The following SPATS1 variants were observed in gnomAD, a reference collection of about 807,000 sequenced individuals.
SPATS1 encodes spermatogenesis-associated serine-rich protein 1.
SPATS1 carries 23 observed loss-of-function variants against 33.6 expected under a neutral mutation model. The ratio of observed to expected loss-of-function variants is 0.68; its 90% CI spans 0.49 to 0.97. The LOEUF (loss-of-function observed/expected upper bound fraction) is 0.97, where lower values mean the gene tolerates loss of function less well. SPATS1 is among the 50% of genes least tolerant of loss of function. The pLI is 0.00. For synonymous variants in SPATS1, 131 were observed against 125.6 expected (o/e 1.04, Z -0.29); for missense variants, 327 against 361.0 (o/e 0.91, Z 0.76).
chr6:44,351,122 CAAAAAAAAA>C (rs34139961), intron 2 of SPATS1, among the ~76,000 whole-genome samples: 14 of 75,498 alleles, frequency 1.9e-4, no homozygotes, highest in East Asian at 3.5e-4. Flanking sequence ...GACTCTGTGT[CAAAAAAAAA>C]AAAAAAAAAA....
At chr6:44,362,963 G>A (rs1178104356) in intron 5 of SPATS1, among the ~76,000 whole-genome samples, 3 of 151,692 alleles carry the variant, frequency 2.0e-5, no homozygotes, top group East Asian at 1.9e-4. Context: ...CTCAGCCTCC[G>A]GAGTAGATGG....
intron 7 of SPATS1, among the ~76,000 whole-genome samples, chr6:44,373,118 T>C (rs1460022202): frequency 6.6e-6 from 1 of 152,228 alleles, no homozygotes; most frequent in Non-Finnish European, 1.5e-5. Flanking sequence ...TTTCTTACTT[T>C]CATTTTTTTG....
At chr6:44,345,518 C>G (rs1213749363) in intron 2 of SPATS1, among the ~76,000 whole-genome samples, 2 of 152,154 alleles carry the variant, frequency 1.3e-5, no homozygotes, top group Admixed American at 6.5e-5. Flanking sequence ...CTCTCTGATA[C>G]CATCCATAGA....
chr6:44,370,508 GC>G (rs1364385678), intron 7 of SPATS1, among the ~76,000 whole-genome samples: 1 of 152,170 alleles, frequency 6.6e-6, no homozygotes, highest in Non-Finnish European at 1.5e-5. Context: ...AGCTAACAGA[GC>G]ACTTCTGTGT....
At chr6:44,363,332 A>ATTGCC (rs1789040639) in intron 5 of SPATS1, among the ~76,000 whole-genome samples, 1 of 151,970 alleles carries the variant, frequency 6.6e-6, no homozygotes, top group Non-Finnish European at 1.5e-5. Flanking sequence ...TTTAGTAGAG[A>ATTGCC]CAGGGTTTCT....
chr6:44,353,011 T>TA, intron 3 of SPATS1, 138 bp downstream of exon 3: 2 of 858,440 alleles, frequency 2.3e-6, no homozygotes, highest in Non-Finnish European at 3.6e-6. Context: ...ATCCCGGTTC[T>TA]GCCACTTAGT....
chr6:44,370,008 T>C (rs995610252), intron 6 of SPATS1, 43 bp from the exon 7 acceptor site: 1 of 1,458,662 alleles, frequency 6.9e-7, no homozygotes, highest in Middle Eastern at 1.8e-4. Flanking sequence ...CTCTTTGCTG[T>C]AGATGGCATA....
chr6:44,369,937 C>G, intron 6 of SPATS1, 114 bp from the exon 7 acceptor site: 1 of 577,772 alleles, frequency 1.7e-6, no homozygotes, highest in Non-Finnish European at 2.9e-6. Context: ...GTTTTGAAGT[C>G]AATACTTGAA....
Position 44,360,536 on chromosome 6 carries a change from T to G in SPATS1, c.378T>G (p.Tyr126Ter). 6.2e-7 allele frequency: 1 copy of G among 1,614,140 alleles called. No homozygotes were observed. The highest frequency in any genetic ancestry group is 8.5e-7 in the Non-Finnish European group (1 of 1,180,010). Reference protein sequence around the residue: ...MSLPEVQKDKYPEEFSLLKLQ... With the variant: ...MSLPEVQKDK ...TGCCTGAAGTCCAAAAGGATAAATA[T>G]CCTGAGGAATTCAGCCTGCTTAAGT... Residue 126 changes from tyrosine (Y) to a stop codon, truncating the protein, a stop_gained, in exon 4 of 9, where the codon TAT becomes TAG. Coordinates refer to ENST00000674044, the MANE Select transcript of SPATS1 (RefSeq NM_001372081.1). LOFTEE classifies it high-confidence loss of function.
At chr6:44,348,850 T>G (rs902238127) in intron 2 of SPATS1, among the ~76,000 whole-genome samples, 1 of 152,126 alleles carries the variant, frequency 6.6e-6, no homozygotes, top group Non-Finnish European at 1.5e-5. Context: ...AATACAAAAA[T>G]TGGTCCTGGC....
chr6:44,375,489 C>A (rs543407652), intron 7 of SPATS1, among the ~76,000 whole-genome samples: 29 of 152,238 alleles, frequency 1.9e-4, no homozygotes, highest in South Asian at 1.9e-3. Context: ...GATCTCCTAT[C>A]GGTGCCATCA....
chr6:44,348,960 G>C (rs1016903369), intron 2 of SPATS1, among the ~76,000 whole-genome samples: 1 of 152,118 alleles, frequency 6.6e-6, no homozygotes, highest in East Asian at 1.9e-4. Context: ...GTGAAACCCC[G>C]TCTCTACTAA....
At chr6:44,364,098 C>A (rs1789099356) in intron 5 of SPATS1, among the ~76,000 whole-genome samples, 1 of 152,170 alleles carries the variant, frequency 6.6e-6, no homozygotes, top group East Asian at 1.9e-4. Context: ...CATCATTACT[C>A]CTCCTCCCAG....
intron 6 of SPATS1, 35 bp from the exon 7 acceptor site, chr6:44,370,016 A>G: frequency 6.6e-7 from 1 of 1,517,606 alleles, no homozygotes; most frequent in Non-Finnish European, 9.1e-7. Flanking sequence ...TGTAGATGGC[A>G]TACCAGTTTT....
intron 2 of SPATS1, among the ~76,000 whole-genome samples, chr6:44,350,814 T>C (rs1236037085): frequency 6.6e-6 from 1 of 152,208 alleles, no homozygotes; most frequent in African/African-American, 2.4e-5. Flanking sequence ...CAACTGCCCA[T>C]AGTAAATATT....
chr6:44,357,061 T>C lies in SPATS1; in HGVS notation c.288-3385T>C, dbSNP rs1177942047. Among the ~76,000 whole-genome samples, 4 of 152,320 alleles carry C rather than the reference T, an allele frequency of 2.6e-5. No individual in the cohort carries two copies. The South Asian group carries it at 6.2e-4, about 24-fold the overall frequency. Reference sequence around the variant, plus strand: ...CGTTGCTTACCATTATTTAATGATATTCCATTAAAGCTTGATAAAAAAGAG... The same window carrying C: ...CGTTGCTTACCATTATTTAATGATACTCCATTAAAGCTTGATAAAAAAGAG... On this transcript the variant is annotated intron_variant, in intron 3 of 8. Transcript: ENST00000674044.
At chr6:44,353,824 T>A (rs973953912) in intron 3 of SPATS1, among the ~76,000 whole-genome samples, 2 of 143,502 alleles carry the variant, frequency 1.4e-5, no homozygotes, top group Non-Finnish European at 3.0e-5. Context: ...GATCACGAGG[T>A]CAGGAGATCA....
chr6:44,349,418 C>T (rs183173102), intron 2 of SPATS1, among the ~76,000 whole-genome samples: 1 of 151,508 alleles, frequency 6.6e-6, no homozygotes, highest in East Asian at 1.9e-4. Context: ...GTTTAGTAGT[C>T]AGATTTCTGA....
chr6:44,363,089 G>A (rs868307849), intron 5 of SPATS1, among the ~76,000 whole-genome samples: 3 of 151,868 alleles, frequency 2.0e-5, no homozygotes, highest in Admixed American at 6.6e-5. Flanking sequence ...CGCCTGCCTC[G>A]GCCTCCCAAA....
Sources: allele counts gnomAD v4.1 joint callset (sites outside exome capture counted in the v4.1 genomes callset), GRCh38; gene constraint gnomAD v4.1.1; transcripts MANE v1.5; gene names NCBI Gene and HGNC (gene_info 2026-07-23, HGNC 2026-07-21).